Variants in KANK1 observed in about 807,000 individuals in gnomAD.
The protein encoded by KANK1 is KN motif and ankyrin repeat domains 1.
Under a neutral mutation model 106.2 loss-of-function variants are expected in KANK1, and 109 were observed. That is an observed-to-expected ratio of 1.03 (90% CI 0.88 to 1.20). KANK1 has a LOEUF of 1.20. KANK1 is among the 50% of genes most tolerant of loss of function. The pLI is 0.00. For missense variants in KANK1, 2,399 were observed against 1,710.7 expected (o/e 1.40, Z -7.10); for synonymous variants, 873 against 652.2 (o/e 1.34, Z -5.16).
At chr9:653,935 C>T (rs1841493176) in intron 1 of KANK1, among the ~76,000 whole-genome samples, 1 of 152,168 alleles carries the variant, frequency 6.6e-6, no homozygotes, top group Non-Finnish European at 1.5e-5. Context: ...CAACTGCTTT[C>T]ATTTTTTGCA....
intron 2 of KANK1, among the ~76,000 whole-genome samples, chr9:710,497 A>C (rs1013240111): frequency 2.0e-5 from 3 of 152,066 alleles, no homozygotes; most frequent in East Asian, 1.9e-4. Flanking sequence ...GCACCCCTGT[A>C]ATCCCAGCAA....
At chr9:649,553 T>G (rs16921797) in intron 1 of KANK1, among the ~76,000 whole-genome samples, 1 of 152,138 alleles carries the variant, frequency 6.6e-6, no homozygotes, top group Non-Finnish European at 1.5e-5. Flanking sequence ...TGCCTGATTA[T>G]AGCTACACAC....
chr9:504,740 G>A lies in KANK1; in HGVS notation c.-98G>A, dbSNP rs2058649264. On this transcript the variant is annotated 5_prime_UTR_variant, in exon 1 of 12. Coordinates refer to ENST00000382297, the MANE Select transcript of KANK1 (RefSeq NM_015158.5). Reference sequence around the variant, plus strand: ...AGCGAGCGAGCGGCCGGCAGGTTGGGAGGAGCGGCCGAAGGTGAGTGACGC... The same window carrying A: ...AGCGAGCGAGCGGCCGGCAGGTTGGAAGGAGCGGCCGAAGGTGAGTGACGC... 7.5e-6 allele frequency: 1 copy of A among 133,396 alleles called. No homozygotes were observed. Among genetic ancestry groups the A allele is most frequent in the African/African-American group, 2.6e-5 (1 of 38,962 alleles). The allele number at this position is 133,396 out of a possible 1,614,324, so 8.3% of individuals were successfully genotyped here.
intron 1 of KANK1, among the ~76,000 whole-genome samples, chr9:567,581 C>T (rs970869551): frequency 4.6e-5 from 7 of 152,182 alleles, no homozygotes; most frequent in Non-Finnish European, 7.3e-5. Context: ...TTCTAAGTAC[C>T]TTCTGCATTG....
At chr9:627,207 C>T (rs1012466381) in intron 1 of KANK1, among the ~76,000 whole-genome samples, 7 of 152,128 alleles carry the variant, frequency 4.6e-5, no homozygotes, top group African/African-American at 7.2e-5. Flanking sequence ...TGGACAAGTC[C>T]ATCCAGAAAC....
chr9:502,086 A>G (rs1373477340), upstream of KANK1, among the ~76,000 whole-genome samples: 1 of 152,208 alleles, frequency 6.6e-6, no homozygotes, highest in Non-Finnish European at 1.5e-5. Context: ...GTTAAGTGAA[A>G]GAAGCTAGTA....
chr9:595,833 T>G (rs1444711585), intron 1 of KANK1, among the ~76,000 whole-genome samples: 1 of 151,890 alleles, frequency 6.6e-6, no homozygotes, highest in Non-Finnish European at 1.5e-5. Context: ...CATGAGAAGA[T>G]TTATGATGAT....
Position 711,439 on chromosome 9 carries a change from T to C in KANK1, c.673T>C (p.Tyr225His). Reference sequence around the variant, plus strand: ...CCAAGGTAATGGGGATTATGGTAGCTATGCCCCAGCTGCTCCCACCACTTC... The same window carrying C: ...CCAAGGTAATGGGGATTATGGTAGCCATGCCCCAGCTGCTCCCACCACTTC... ...GYQGNGDYGS[Y>H]APAAPTTSSM... Residue 225 changes from tyrosine to histidine, a missense_variant, in exon 3 of 12, where the codon TAT (tyrosine) becomes CAT (histidine). Coordinates refer to ENST00000382297, the MANE Select transcript of KANK1 (RefSeq NM_015158.5). The C allele has an allele frequency of 6.2e-7, 1 of 1,614,152 alleles. No homozygotes were observed. The highest frequency in any genetic ancestry group is 8.5e-7 in the Non-Finnish European group (1 of 1,180,028).
intron 1 of KANK1, among the ~76,000 whole-genome samples, chr9:575,461 A>C (rs1375205493): frequency 2.1e-5 from 3 of 145,446 alleles, no homozygotes; most frequent in Non-Finnish European, 4.5e-5. Context: ...TGAGCCCAGG[A>C]GTTTGAGACC....
At chr9:563,150 T>TA (rs1392082814) in intron 1 of KANK1, among the ~76,000 whole-genome samples, 2 of 152,066 alleles carry the variant, frequency 1.3e-5, no homozygotes, top group Admixed American at 6.5e-5. Flanking sequence ...CTCTATTGTG[T>TA]AAAATCACTT....
chr9:603,115 G>C (rs1158331596), intron 1 of KANK1, among the ~76,000 whole-genome samples: 1 of 151,808 alleles, frequency 6.6e-6, no homozygotes, highest in Non-Finnish European at 1.5e-5. Flanking sequence ...TCTAAGAGTA[G>C]ATTTATATCA....
At chr9:505,722 G>A (rs912480943) in intron 1 of KANK1, among the ~76,000 whole-genome samples, 4 of 152,216 alleles carry the variant, frequency 2.6e-5, no homozygotes, top group African/African-American at 9.6e-5. Context: ...TGGCCTCTGC[G>A]GAGGGTCAGC....
In KANK1 at chr9:713,426, AC is replaced by A; in HGVS notation, c.2663del (p.Pro888LeufsTer31). 1.2e-6 allele frequency: 2 copies of A among 1,604,690 alleles called. No homozygotes were observed. The highest frequency in any genetic ancestry group is 1.7e-6 in the Non-Finnish European group (2 of 1,176,464). ...MKSASTEELR[N>X]PDFQKTSLGK... ...TCTGCAAGCACTGAAGAGCTGAGGA[AC>A]CCTGACTTCCAGAAAACCAGTCTGG... On this transcript the variant is annotated frameshift_variant, in exon 3 of 12. Transcript: ENST00000382297. LOFTEE classifies it high-confidence loss of function.
Position 508,151 on chromosome 9 carries a change from T to G in KANK1, c.-84+3397T>G, listed in dbSNP as rs2058857552. Among the ~76,000 whole-genome samples the G allele has an allele frequency of 5.5e-5, 6 of 109,162 alleles. No individual in the cohort carries two copies. The South Asian group carries it at 7.8e-4, about 14-fold the overall frequency. The allele number at this position is 109,162 out of a possible 152,430, so 71.6% of individuals were successfully genotyped here. A position where few individuals can be genotyped will look rare whatever the true frequency, so the allele number is the denominator to read the frequency against. On this transcript the variant is annotated intron_variant, in intron 1 of 11. Transcript: ENST00000382297. ...TTTTTTTTTTTTTTTTTTTTTTTTTTTTTTGAGATGGAGTTTCTTTCTTGT... is the reference window on the plus strand; with the variant it reads ...TTTTTTTTTTTTTTTTTTTTTTTTTGTTTTGAGATGGAGTTTCTTTCTTGT...
chr9:650,570 G>T (rs1374403684), intron 1 of KANK1, among the ~76,000 whole-genome samples: 2 of 152,176 alleles, frequency 1.3e-5, no homozygotes, highest in African/African-American at 4.8e-5. Flanking sequence ...TTGTCAGGAA[G>T]TGTGTGCTTC....
intron 1 of KANK1, among the ~76,000 whole-genome samples, chr9:560,653 C>G (rs147498585): frequency 6.6e-6 from 1 of 152,014 alleles, no homozygotes; most frequent in Admixed American, 6.6e-5. Flanking sequence ...TTTGAGTAGC[C>G]CTTTCCCAAT....
At chr9:575,553 TC>T (rs1361088556) in intron 1 of KANK1, among the ~76,000 whole-genome samples, 4 of 150,182 alleles carry the variant, frequency 2.7e-5, no homozygotes, top group African/African-American at 9.8e-5. Flanking sequence ...ACACCTGTGT[TC>T]CAGCTGCTCA....
intron 1 of KANK1, among the ~76,000 whole-genome samples, chr9:541,530 C>T (rs1042154556): frequency 5.9e-5 from 9 of 151,980 alleles, no homozygotes; most frequent in African/African-American, 1.7e-4. Flanking sequence ...GAAGAACACA[C>T]AGAGAAAAAG....
At chr9:672,926 A>G (rs1376631640) in intron 1 of KANK1, among the ~76,000 whole-genome samples, 2 of 152,188 alleles carry the variant, frequency 1.3e-5, no homozygotes, top group African/African-American at 2.4e-5. Flanking sequence ...CTAAGCCACC[A>G]TTGTACCACT....
Sources: gnomAD v4.1 joint callset for allele counts (sites outside exome capture counted in the v4.1 genomes callset) on GRCh38, gnomAD v4.1.1 for gene constraint, MANE v1.5 for transcripts, NCBI Gene and HGNC (gene_info 2026-07-23, HGNC 2026-07-21) for gene names.